ZNF713: variants seen among roughly 807,000 people sequenced by gnomAD.
ZNF713 encodes the protein zinc finger protein 713.
In ZNF713, 21 loss-of-function variants were observed where a neutral mutation model predicts 28.7. The ratio of observed to expected loss-of-function variants is 0.73; its 90% CI spans 0.52 to 1.05. The LOEUF is 1.05. Among genes scored for constraint, ZNF713 ranks in the 50% least tolerant of loss-of-function variants. The probability of loss-of-function intolerance (pLI) is 0.00; values close to 1 mark genes in which losing one functional copy is unlikely to be tolerated. For synonymous variants in ZNF713, 167 were observed against 178.0 expected (o/e 0.94, Z 0.49); for missense variants, 458 against 532.4 (o/e 0.86, Z 1.37).
chr7:55,887,838 CGGGCGGCGGCGGCGGCG>C lies in ZNF713; in HGVS notation c.-583+161_-583+177del, dbSNP rs1785294287. Among the ~76,000 whole-genome samples the C allele has an allele frequency of 3.7e-3, 15 of 4,022 alleles. 6 individuals are homozygous for C. Among genetic ancestry groups the C allele is most frequent in the African/African-American group, 7.5e-3 (13 of 1,734 alleles). 2.6% of individuals were successfully genotyped at this position (4,022 alleles called of 152,430 possible). A position where few individuals can be genotyped will look rare whatever the true frequency, so the allele number is the denominator to read the frequency against. On this transcript the variant is annotated intron_variant, in intron 1 of 6. Coordinates refer to ENST00000429591, the MANE Select transcript of ZNF713 (RefSeq NM_182633.3). ...GCGGCGGGCGGCGGGCGGCGGGCGG[CGGGCGGCGGCGGCGGCG>C]GGCGGCGGGCGGCGGCGGCGGCGGC... is the stretch of plus-strand genomic sequence containing the variant.
intron 1 of ZNF713, among the ~76,000 whole-genome samples, chr7:55,887,913 A>C (rs1438807942): frequency 1.5e-5 from 2 of 132,874 alleles, no homozygotes; most frequent in African/African-American, 5.6e-5. Flanking sequence ...GGGAGGCGGC[A>C]GGTGGCGGGA....
At chr7:55,893,228 G>A (rs185368284) in intron 1 of ZNF713, among the ~76,000 whole-genome samples, 2 of 152,070 alleles carry the variant, frequency 1.3e-5, no homozygotes, top group East Asian at 3.9e-4. Flanking sequence ...TCAGACTGAA[G>A]ACCCAAAGAT....
At chr7:55,935,072 G>T (rs1786318532) in intron 6 of ZNF713, among the ~76,000 whole-genome samples, 1 of 151,712 alleles carries the variant, frequency 6.6e-6, no homozygotes, top group Non-Finnish European at 1.5e-5. Flanking sequence ...TATTTTTTTA[G>T]TAGAGATGGG....
chr7:55,908,031 T>G (rs1246749548), intron 2 of ZNF713, among the ~76,000 whole-genome samples: 1 of 152,038 alleles, frequency 6.6e-6, no homozygotes, highest in Non-Finnish European at 1.5e-5. Context: ...TTTGAGAAAT[T>G]TCTATGCTGT....
chr7:55,897,826 G>T (rs975596978), intron 1 of ZNF713, among the ~76,000 whole-genome samples: 1 of 152,164 alleles, frequency 6.6e-6, no homozygotes, highest in Non-Finnish European at 1.5e-5. Context: ...ACATTGTATA[G>T]AGTAGATCTT....
At chr7:55,904,463 TAAAAAAAAAAAA>T (rs71015118) in intron 1 of ZNF713, among the ~76,000 whole-genome samples, 1 of 41,292 alleles carries the variant, frequency 2.4e-5, no homozygotes, top group Non-Finnish European at 4.8e-5. Flanking sequence ...ACTGTATCTT[TAAAAAAAAAAAA>T]AAAAAAAAAA....
At chr7:55,935,284 A>G (rs1400277056) in intron 6 of ZNF713, among the ~76,000 whole-genome samples, 1 of 152,192 alleles carries the variant, frequency 6.6e-6, no homozygotes, top group African/African-American at 2.4e-5. Context: ...GAAATAGCAA[A>G]GAAAATTGGA....
At chr7:55,910,514 A>G (rs1291028249) in intron 2 of ZNF713, among the ~76,000 whole-genome samples, 2 of 151,674 alleles carry the variant, frequency 1.3e-5, no homozygotes, top group African/African-American at 4.8e-5. Flanking sequence ...TTTGTTTTTT[A>G]AGACAGGGTC....
intron 6 of ZNF713, among the ~76,000 whole-genome samples, chr7:55,938,456 A>C (rs1001179911): frequency 6.6e-6 from 1 of 152,114 alleles, no homozygotes; most frequent in African/African-American, 2.4e-5. Context: ...AATGGGTGGG[A>C]TTCTTTCTTT....
At chr7:55,898,258 G>A (rs1310839610) in intron 1 of ZNF713, among the ~76,000 whole-genome samples, 1 of 152,108 alleles carries the variant, frequency 6.6e-6, no homozygotes, top group Non-Finnish European at 1.5e-5. Flanking sequence ...GCTTTTACAC[G>A]GCAAAGGAAA....
At chr7:55,928,969 CA>C (rs35152322) in intron 6 of ZNF713, among the ~76,000 whole-genome samples, 16,931 of 119,240 alleles carry the variant, frequency 0.14, 1,685 homozygotes, top group African/African-American at 0.33. Context: ...CCATTTCTAC[CA>C]AAAAAAAAAA....
chr7:55,899,550 G>A (rs34869068), intron 1 of ZNF713, among the ~76,000 whole-genome samples: 30,364 of 150,692 alleles, frequency 0.2, 3,471 homozygotes, highest in East Asian at 0.34. Flanking sequence ...GCAGGCACCT[G>A]TAATCCCAGC....
At position 55,941,610 on chromosome 7, in the gene ZNF713, T is replaced by C. The variant is rs953955113; in HGVS notation, c.*1604T>C. The C allele has an allele frequency of 1.3e-5, 2 of 152,124 alleles. No individual in the cohort carries two copies. Among genetic ancestry groups the C allele is most frequent in the African/African-American group, 4.8e-5 (2 of 41,440 alleles). The allele number at this position is 152,124 out of a possible 1,614,324, so 9.4% of individuals were successfully genotyped here. ...TACCATATCTAGTATTTACTTAATA[T>C]TCTTTATAAAGGGATGCAAGATTTT... On this transcript the variant is annotated 3_prime_UTR_variant, in exon 7 of 7. Coordinates refer to ENST00000429591, the MANE Select transcript of ZNF713 (RefSeq NM_182633.3).
intron 4 of ZNF713, among the ~76,000 whole-genome samples, chr7:55,917,154 C>T (rs1785895921): frequency 6.6e-6 from 1 of 151,604 alleles, no homozygotes; most frequent in African/African-American, 2.4e-5. Context: ...GCGGAGCTTG[C>T]AGTGAGCCGA....
At position 55,939,977 on chromosome 7, in the gene ZNF713, C is replaced by T. The variant is rs367652775; in HGVS notation, c.1303C>T (p.Arg435Cys). Residue 435 changes from arginine (R) to cysteine (C), a missense_variant, in exon 7 of 7, where the codon CGC becomes TGC. Transcript: ENST00000429591. Reference sequence around the variant, plus strand: ...TGAATATAAATGTGAGCAAACTGTTCGCCACAGTCCTTCATTTAGCAGCAC... The same window carrying T: ...TGAATATAAATGTGAGCAAACTGTTTGCCACAGTCCTTCATTTAGCAGCAC... Reference protein sequence around the residue: ...LCEYKCEQTVRHSPSFSST With the variant: ...LCEYKCEQTVCHSPSFSST 2.6e-5 allele frequency: 41 copies of T among 1,596,084 alleles called. No homozygotes were observed. The highest frequency in any genetic ancestry group is 1.7e-4 in the Middle Eastern group (1 of 5,992).
intron 1 of ZNF713, among the ~76,000 whole-genome samples, chr7:55,896,380 C>G (rs975167452): frequency 2.6e-5 from 4 of 152,058 alleles, no homozygotes; most frequent in African/African-American, 9.7e-5. Context: ...AATTGTGTTT[C>G]TCACAAGGGT....
intron 1 of ZNF713, among the ~76,000 whole-genome samples, chr7:55,894,120 C>T (rs908361459): frequency 1.3e-5 from 2 of 152,174 alleles, no homozygotes; most frequent in Non-Finnish European, 2.9e-5. Flanking sequence ...GAGGAGCTAC[C>T]ACATGGCCTG....
Position 55,900,825 on chromosome 7 carries a change from GTCTC to G in ZNF713, c.-582-5424_-582-5421del, listed in dbSNP as rs1269801856. Among the ~76,000 whole-genome samples, 3 of 152,088 alleles carry G rather than the reference GTCTC, an allele frequency of 2.0e-5. No individual in the cohort carries two copies. The East Asian group carries it at 5.8e-4, about 29-fold the overall frequency. ...AATAACAATGCATTGTTTTCTTTCT[GTCTC>G]TCTGTCTCTTTCTTTTTTTCTTTTA... On this transcript the variant is annotated intron_variant, in intron 1 of 6. Coordinates refer to ENST00000429591, the MANE Select transcript of ZNF713 (RefSeq NM_182633.3).
chr7:55,923,400 G>C (rs747523479), intron 5 of ZNF713, 112 bp downstream of exon 5: 31 of 1,414,608 alleles, frequency 2.2e-5, no homozygotes, highest in Non-Finnish European at 2.9e-5. Flanking sequence ...ATAGAAGAAT[G>C]CTAATCAGTT....
Sources: gnomAD v4.1 joint callset for allele counts (sites outside exome capture counted in the v4.1 genomes callset) on GRCh38, gnomAD v4.1.1 for gene constraint, MANE v1.5 for transcripts, NCBI Gene and HGNC (gene_info 2026-07-23, HGNC 2026-07-21) for gene names.